The following PTPN3 variants were observed in gnomAD, a reference collection of about 807,000 sequenced individuals.
PTPN3 encodes the protein protein tyrosine phosphatase non-receptor type 3.
PTPN3 carries 96 observed loss-of-function variants against 132.7 expected under a neutral mutation model. That is an observed-to-expected ratio of 0.72 (90% CI 0.61 to 0.86). PTPN3 has a LOEUF of 0.86. PTPN3 is among the 40% of genes least tolerant of loss of function. PTPN3 has a pLI of 0.00. For synonymous variants in PTPN3, 398 were observed against 429.0 expected, an observed-to-expected ratio of 0.93 and a Z score of 0.89; for missense variants, 1,125 against 1,159.6, an observed-to-expected ratio of 0.97 and a Z score of 0.43.
At chr9:109,538,096 T>C in the PTPN3 span, among the ~76,000 whole-genome samples, 3 of 152,268 alleles carry the variant, frequency 2.0e-5, no homozygotes, top group East Asian at 5.8e-4. Flanking sequence ...TGTTATAACA[T>C]AGAAAGGAAT....
intron 19 of PTPN3, among the ~76,000 whole-genome samples, chr9:109,391,853 C>G (rs757195846): frequency 1.1e-5 from 1 of 87,032 alleles, no homozygotes. Context: ...TTGACAAGAG[C>G]TAAAAGCAAC....
At chr9:109,517,839 C>T in the PTPN3 span, among the ~76,000 whole-genome samples, 1 of 152,150 alleles carries the variant, frequency 6.6e-6, no homozygotes, top group Admixed American at 6.5e-5. Context: ...CTCTGGCTGC[C>T]ATTGGGTTCC....
the PTPN3 span, chr9:109,533,878 AC>A: frequency 1.3e-6 from 1 of 766,360 alleles, no homozygotes; most frequent in Non-Finnish European, 2.3e-6. Context: ...GAGGACCCCT[AC>A]GACGTGGATA....
At chr9:109,489,115 A>T (rs1230714981) in intron 1 of PTPN3, among the ~76,000 whole-genome samples, 1 of 152,236 alleles carries the variant, frequency 6.6e-6, no homozygotes, top group Non-Finnish European at 1.5e-5. Flanking sequence ...AAATTCTATT[A>T]GAAATTGGTC....
At chr9:109,410,108 T>C in intron 15 of PTPN3, 32 bp from the exon 16 acceptor site, 1 of 1,614,198 alleles carries the variant, frequency 6.2e-7, no homozygotes, top group Non-Finnish European at 8.5e-7. Context: ...GTCATTTGCA[T>C]CACATCTCTC....
intron 19 of PTPN3, among the ~76,000 whole-genome samples, chr9:109,395,305 CTATT>C (rs144083387): frequency 0.036 from 5,550 of 152,202 alleles, 138 homozygotes; most frequent in East Asian, 0.15. Flanking sequence ...CAAAAGAAAT[CTATT>C]TATAAAATTA....
intron 7 of PTPN3, among the ~76,000 whole-genome samples, chr9:109,442,906 G>A (rs1247112510): frequency 2.0e-5 from 3 of 152,002 alleles, no homozygotes; most frequent in African/African-American, 4.8e-5. Context: ...AGCCAGGGAT[G>A]GTCCAACAAT....
chr9:109,528,227 C>A, the PTPN3 span, among the ~76,000 whole-genome samples: 2 of 152,106 alleles, frequency 1.3e-5, no homozygotes, highest in South Asian at 2.1e-4. Flanking sequence ...AACAATGTCA[C>A]GTGGCAAATA....
intron 19 of PTPN3, among the ~76,000 whole-genome samples, chr9:109,391,835 A>G (rs1021362527): frequency 1.5e-5 from 2 of 134,318 alleles, no homozygotes; most frequent in Non-Finnish European, 3.1e-5. Flanking sequence ...TGTCTTTATG[A>G]CAACTATTTG....
At chr9:109,527,558 G>A in the PTPN3 span, among the ~76,000 whole-genome samples, 3 of 152,196 alleles carry the variant, frequency 2.0e-5, no homozygotes, top group Non-Finnish European at 2.9e-5. Context: ...TTGATAGTAA[G>A]TAGGGAAGTT....
At chr9:109,534,540 G>T in the PTPN3 span, among the ~76,000 whole-genome samples, 1 of 151,778 alleles carries the variant, frequency 6.6e-6, no homozygotes, top group East Asian at 1.9e-4. Context: ...ACTTTGGGAG[G>T]CCGAGGCGGG....
chr9:109,427,111 C>T lies in PTPN3; in HGVS notation c.840G>A (p.Arg280=). The T allele has an allele frequency of 1.2e-6, 2 of 1,613,988 alleles. No homozygotes were observed. Among genetic ancestry groups the T allele is most frequent in the Non-Finnish European group, 1.7e-6 (2 of 1,179,952 alleles). ...GCATGTTGAAGGCCACAATATGTTC[C>T]CTGGATTCAGCCTGGGAGGAAAAAC... ...IHQRQKQAES[R]EHIVAFNMLN... Residue 280 remains arginine, a synonymous_variant, in exon 12 of 26, where the codon AGG becomes AGA. Transcript: ENST00000374541.
chr9:109,418,397 G>A (rs994926730), intron 14 of PTPN3, among the ~76,000 whole-genome samples: 40 of 152,352 alleles, frequency 2.6e-4, no homozygotes, highest in African/African-American at 8.4e-4. Flanking sequence ...GAGACAGAGG[G>A]TGCTGGGCTG....
intron 13 of PTPN3, 42 bp from the exon 14 acceptor site, chr9:109,420,642 T>A (rs1318350703): frequency 6.4e-7 from 1 of 1,562,028 alleles, no homozygotes; most frequent in Non-Finnish European, 8.7e-7. Context: ...TCAAAGCAAA[T>A]TCCACTTAAA....
At chr9:109,439,534 T>C (rs1844301609) in intron 7 of PTPN3, among the ~76,000 whole-genome samples, 1 of 152,192 alleles carries the variant, frequency 6.6e-6, no homozygotes. Context: ...ATGGGAAAGA[T>C]ATGGTGATAC....
chr9:109,434,767 T>C (rs1843909799), intron 9 of PTPN3, among the ~76,000 whole-genome samples: 3 of 152,176 alleles, frequency 2.0e-5, no homozygotes. Flanking sequence ...GAAGCGTTTT[T>C]ATCTGGCTGA....
At chr9:109,404,703 G>C in intron 18 of PTPN3, 95 bp from the exon 19 acceptor site, 1 of 1,294,850 alleles carries the variant, frequency 7.7e-7, no homozygotes, top group South Asian at 3.1e-5. Context: ...CCTGAATGCA[G>C]ATGGTTCAAA....
intron 13 of PTPN3, among the ~76,000 whole-genome samples, chr9:109,422,414 G>A (rs189150644): frequency 9.0e-4 from 137 of 152,256 alleles, no homozygotes; most frequent in African/African-American, 3.2e-3. Context: ...ATTATTGGAC[G>A]TCTCAGAGTG....
intron 1 of PTPN3, among the ~76,000 whole-genome samples, chr9:109,466,704 T>G (rs943453706): frequency 6.6e-6 from 1 of 152,138 alleles, no homozygotes; most frequent in Non-Finnish European, 1.5e-5. Flanking sequence ...CAGACGCAAG[T>G]CACGGGTAAT....
Sources: gnomAD v4.1 joint callset for allele counts (sites outside exome capture counted in the v4.1 genomes callset) on GRCh38, gnomAD v4.1.1 for gene constraint, MANE v1.5 for transcripts, NCBI Gene and HGNC (gene_info 2026-07-23, HGNC 2026-07-21) for gene names.